The following MAPK10 variants were observed in gnomAD, a reference collection of about 807,000 sequenced individuals.
MAPK10 encodes the protein JNK3 alpha protein kinase.
MAPK10 carries 25 observed loss-of-function variants against 59.3 expected under a neutral mutation model. The ratio of observed to expected loss-of-function variants is 0.42; its 90% CI spans 0.31 to 0.59. The LOEUF (loss-of-function observed/expected upper bound fraction) is 0.59. Among genes scored for constraint, MAPK10 ranks in the 20% least tolerant of loss-of-function variants. The probability of loss-of-function intolerance (pLI) is 0.15; values close to 1 mark genes in which losing one functional copy is unlikely to be tolerated. For missense variants in MAPK10, 351 were observed against 568.9 expected, an observed-to-expected ratio of 0.62 and a Z score of 3.90; for synonymous variants, 190 against 200.5, an observed-to-expected ratio of 0.95 and a Z score of 0.44.
chr4:86,568,121 T>C (rs1051547879), intron 1 of MAPK10, among the ~76,000 whole-genome samples: 2 of 152,080 alleles, frequency 1.3e-5, no homozygotes, highest in Non-Finnish European at 2.9e-5. Context: ...AATCAACATA[T>C]AAAAATCAGT....
intron 2 of MAPK10, among the ~76,000 whole-genome samples, chr4:86,239,184 C>T (rs2092524370): frequency 1.3e-5 from 2 of 152,090 alleles, no homozygotes; most frequent in Admixed American, 6.5e-5. Flanking sequence ...GCCTTGCATC[C>T]CAGCACTGAA....
chr4:86,460,306 C>T (rs1184482394), intron 1 of MAPK10, among the ~76,000 whole-genome samples: 1 of 152,086 alleles, frequency 6.6e-6, no homozygotes, highest in Non-Finnish European at 1.5e-5. Context: ...CAGAGATGTG[C>T]CTGAAGAAGC....
At chr4:86,348,568 A>G (rs1729483427) in intron 2 of MAPK10, among the ~76,000 whole-genome samples, 1 of 152,166 alleles carries the variant, frequency 6.6e-6, no homozygotes, top group Admixed American at 6.6e-5. Context: ...TATCATCTCT[A>G]AAAAGCTCTT....
intron 9 of MAPK10, among the ~76,000 whole-genome samples, chr4:86,087,180 ATC>A (rs1205145747): frequency 6.6e-6 from 1 of 152,200 alleles, no homozygotes; most frequent in African/African-American, 2.4e-5. Flanking sequence ...AGTTGTAGAA[ATC>A]TGTTTTAATT....
intron 1 of MAPK10, among the ~76,000 whole-genome samples, chr4:86,592,181 G>A (rs1333308025): frequency 1.3e-5 from 2 of 151,956 alleles, no homozygotes; most frequent in African/African-American, 4.8e-5. Flanking sequence ...GTAGTGCTGG[G>A]TTCCATTTGT....
chr4:86,250,729 G>A (rs567805288), intron 2 of MAPK10, among the ~76,000 whole-genome samples: 1 of 152,138 alleles, frequency 6.6e-6, no homozygotes, highest in Non-Finnish European at 1.5e-5. Context: ...TAGTCATGTT[G>A]TAAAGAAGTC....
chr4:86,431,347 T>G (rs527388407), intron 1 of MAPK10, among the ~76,000 whole-genome samples: 2 of 152,272 alleles, frequency 1.3e-5, no homozygotes, highest in East Asian at 3.9e-4. Context: ...GACAAGAGAA[T>G]TAAACATTAA....
At chr4:86,461,430 C>G (rs1341151609) in intron 1 of MAPK10, among the ~76,000 whole-genome samples, 1 of 152,122 alleles carries the variant, frequency 6.6e-6, no homozygotes, top group Non-Finnish European at 1.5e-5. Flanking sequence ...GACCTGGAAT[C>G]AAGGCCGGGT....
chr4:86,243,405 T>C (rs558201910), intron 2 of MAPK10, among the ~76,000 whole-genome samples: 1 of 152,330 alleles, frequency 6.6e-6, no homozygotes, highest in African/African-American at 2.4e-5. Context: ...GTCTCTTCAC[T>C]GGTCAAAACC....
intron 2 of MAPK10, among the ~76,000 whole-genome samples, chr4:86,241,587 C>T (rs183472435): frequency 6.6e-6 from 1 of 152,260 alleles, no homozygotes; most frequent in Non-Finnish European, 1.5e-5. Context: ...GGTCCTCAAA[C>T]TCTGATATCC....
chr4:86,506,250 G>T (rs1000479843), intron 1 of MAPK10, among the ~76,000 whole-genome samples: 1 of 152,112 alleles, frequency 6.6e-6, no homozygotes, highest in Admixed American at 6.6e-5. Context: ...CCTCTGAATA[G>T]GACCATTAAG....
intron 1 of MAPK10, among the ~76,000 whole-genome samples, chr4:86,499,997 T>G (rs139606396): frequency 6.6e-6 from 1 of 152,198 alleles, no homozygotes; most frequent in African/African-American, 2.4e-5. Flanking sequence ...GATACCACTT[T>G]AGAGCTACCA....
chr4:86,071,112 T>A (rs971184414), intron 9 of MAPK10, among the ~76,000 whole-genome samples: 2 of 151,702 alleles, frequency 1.3e-5, no homozygotes, highest in African/African-American at 4.8e-5. Context: ...TATCTCATAG[T>A]GGTTTTGATT....
At chr4:86,221,023 T>C (rs2089408563) in intron 2 of MAPK10, among the ~76,000 whole-genome samples, 1 of 152,212 alleles carries the variant, frequency 6.6e-6, no homozygotes, top group African/African-American at 2.4e-5. Context: ...TTTCCCTAGC[T>C]TAAATTGTCA....
chr4:86,289,250 G>C (rs1433877097), intron 2 of MAPK10, among the ~76,000 whole-genome samples: 1 of 152,154 alleles, frequency 6.6e-6, no homozygotes, highest in Non-Finnish European at 1.5e-5. Context: ...TATGTCTTGA[G>C]ATGAGGCAGA....
intron 9 of MAPK10, among the ~76,000 whole-genome samples, chr4:86,069,891 T>G (rs1380892669): frequency 7.3e-6 from 1 of 136,340 alleles, no homozygotes; most frequent in Non-Finnish European, 1.6e-5. Context: ...ATAATTGATT[T>G]TAAAGAAGTA....
At chr4:86,099,069 G>A (rs2054808770) in intron 8 of MAPK10, 1 of 152,986 alleles carries the variant, frequency 6.5e-6, no homozygotes, top group Non-Finnish European at 1.5e-5. Context: ...GGGGCCAGGG[G>A]GCCGGGGCAA....
At chr4:86,449,801 T>C (rs542264952) in intron 1 of MAPK10, among the ~76,000 whole-genome samples, 1 of 152,364 alleles carries the variant, frequency 6.6e-6, no homozygotes, top group East Asian at 1.9e-4. Flanking sequence ...CCCAGAAGAC[T>C]GGAGGACAAA....
At chr4:86,468,526 G>C (rs977401612) in intron 1 of MAPK10, among the ~76,000 whole-genome samples, 1 of 152,162 alleles carries the variant, frequency 6.6e-6, no homozygotes, top group African/African-American at 2.4e-5. Context: ...AAACAGAATA[G>C]TTTTTTCAAA....
Sources: gnomAD v4.1 joint callset for allele counts (sites outside exome capture counted in the v4.1 genomes callset) on GRCh38, gnomAD v4.1.1 for gene constraint, MANE v1.5 for transcripts, NCBI Gene and HGNC (gene_info 2026-07-23, HGNC 2026-07-21) for gene names.